IL1RAP: variants seen among roughly 807,000 people sequenced by gnomAD.
IL1RAP encodes interleukin-1 receptor accessory protein.
Under a neutral mutation model 60.7 loss-of-function variants are expected in IL1RAP, and 35 were observed. The ratio of observed to expected loss-of-function variants is 0.58; its 90% CI spans 0.44 to 0.76. The LOEUF (loss-of-function observed/expected upper bound fraction) is 0.76, where lower values mean the gene tolerates loss of function less well. Ranked by LOEUF, IL1RAP falls within the 30% of genes least tolerant of loss-of-function variation. The pLI is 0.00. For synonymous variants in IL1RAP, 268 were observed against 250.9 expected (o/e 1.07, Z -0.64); for missense variants, 572 against 693.9 (o/e 0.82, Z 1.97).
At chr3:190,643,990 TTC>T (rs747904632) in intron 9 of IL1RAP, 22 of 280,658 alleles carry the variant, frequency 7.8e-5, no homozygotes, top group Non-Finnish European at 1.2e-4. Flanking sequence ...GATGTTATGA[TTC>T]TGTTTTAATT....
intron 1 of IL1RAP, among the ~76,000 whole-genome samples, chr3:190,530,878 G>A (rs996858814): frequency 6.6e-6 from 1 of 152,114 alleles, no homozygotes; most frequent in Non-Finnish European, 1.5e-5. Flanking sequence ...AGCTCTGCAA[G>A]GTCAGTTTTA....
intron 3 of IL1RAP, among the ~76,000 whole-genome samples, chr3:190,598,287 G>A (rs1450539585): frequency 6.6e-6 from 1 of 152,042 alleles, no homozygotes. Context: ...TAATGAAATT[G>A]CAGACTCCAT....
chr3:190,601,521 G>A (rs912704654), intron 3 of IL1RAP, among the ~76,000 whole-genome samples: 13 of 152,008 alleles, frequency 8.6e-5, no homozygotes, highest in Admixed American at 2.6e-4. Context: ...AAATTTCCCC[G>A]AGCTTTATTA....
intron 1 of IL1RAP, among the ~76,000 whole-genome samples, chr3:190,536,655 A>T (rs1170397870): frequency 6.6e-6 from 1 of 152,210 alleles, no homozygotes; most frequent in Non-Finnish European, 1.5e-5. Context: ...CATAAGCTAG[A>T]CAATGTAATC....
chr3:190,528,916 C>T (rs1560141614), intron 1 of IL1RAP, among the ~76,000 whole-genome samples: 2 of 151,996 alleles, frequency 1.3e-5, no homozygotes, highest in African/African-American at 4.8e-5. Flanking sequence ...ATGGATTGTG[C>T]GATTTATCAG....
At chr3:190,612,556 C>T (rs116318829) in intron 5 of IL1RAP, among the ~76,000 whole-genome samples, 3,013 of 152,198 alleles carry the variant, frequency 0.02, 87 homozygotes, top group African/African-American at 0.069. Flanking sequence ...TTTATTTATA[C>T]CTGTTTCAAT....
intron 3 of IL1RAP, among the ~76,000 whole-genome samples, chr3:190,593,248 C>T (rs750109965): frequency 3.3e-5 from 5 of 151,938 alleles, no homozygotes; most frequent in Non-Finnish European, 7.4e-5. Flanking sequence ...AGCCATCTGC[C>T]CAGTGATGAA....
intron 11 of IL1RAP, among the ~76,000 whole-genome samples, chr3:190,647,552 A>G (rs1734100735): frequency 6.6e-6 from 1 of 152,200 alleles, no homozygotes; most frequent in Non-Finnish European, 1.5e-5. Context: ...TTCGTTGAAG[A>G]AAGCATTTGC....
rs184429624 is a variant in IL1RAP at position 190,646,207 on chromosome 3, G to A, written c.1345+365G>A. On this transcript the variant is annotated intron_variant, in intron 11 of 11. Transcript: ENST00000447382. The stretch of plus-strand genomic sequence containing the variant: ...GTCTAGAACTGTTTTACAAGACTGA[G>A]AATTTTTTTTTAAAGCAGTTTTATT... 3.4e-4 allele frequency among the ~76,000 whole-genome samples: 52 copies of A among 151,066 alleles called. No individual in the cohort carries two copies. In the East Asian group the frequency reaches 9.9e-3, roughly 29 times the overall value.
chr3:190,563,995 G>T, intron 2 of IL1RAP: 1 of 322,396 alleles, frequency 3.1e-6, no homozygotes, highest in Non-Finnish European at 5.9e-6. Flanking sequence ...AAAGGATCGT[G>T]GTGATGTTAT....
chr3:190,601,621 A>G (rs1395024804), intron 3 of IL1RAP, among the ~76,000 whole-genome samples: 4 of 152,380 alleles, frequency 2.6e-5, no homozygotes, highest in African/African-American at 9.6e-5. Context: ...TTGTTTTGCC[A>G]GTTATCCACT....
chr3:190,598,300 G>T (rs961939752), intron 3 of IL1RAP, among the ~76,000 whole-genome samples: 2 of 152,008 alleles, frequency 1.3e-5, no homozygotes, highest in South Asian at 2.1e-4. Context: ...GACTCCATTT[G>T]CTATCCAACT....
At chr3:190,553,166 C>G (rs1725017246) in intron 1 of IL1RAP, among the ~76,000 whole-genome samples, 1 of 152,156 alleles carries the variant, frequency 6.6e-6, no homozygotes, top group Admixed American at 6.5e-5. Context: ...CATGCCACGC[C>G]CCCGAGGACG....
chr3:190,658,704 T>C (rs1352609079), exon 12 of IL1RAP: 1 of 152,196 alleles, frequency 6.6e-6, no homozygotes, highest in African/African-American at 2.4e-5. Flanking sequence ...GAATGGGCAG[T>C]GGGGAAAGAA....
intron 9 of IL1RAP, among the ~76,000 whole-genome samples, chr3:190,634,950 T>C (rs1459027261): frequency 3.3e-5 from 5 of 152,058 alleles, no homozygotes; most frequent in Admixed American, 1.3e-4. Flanking sequence ...CTCCTGACCT[T>C]GTGATCCGCC....
intron 2 of IL1RAP, among the ~76,000 whole-genome samples, chr3:190,556,492 T>C (rs1725441031): frequency 6.6e-6 from 1 of 152,164 alleles, no homozygotes; most frequent in Non-Finnish European, 1.5e-5. Context: ...TTTTTACTGC[T>C]ATTTTAAAAA....
chr3:190,577,011 G>C (rs981597652), intron 3 of IL1RAP, among the ~76,000 whole-genome samples: 1 of 149,184 alleles, frequency 6.7e-6, no homozygotes, highest in Non-Finnish European at 1.5e-5. Flanking sequence ...TGAGGCAGGA[G>C]AATGGCGTGA....
At chr3:190,551,097 T>C (rs111498985) in intron 1 of IL1RAP, among the ~76,000 whole-genome samples, 3,128 of 152,260 alleles carry the variant, frequency 0.021, 113 homozygotes, top group African/African-American at 0.073. Context: ...CCTCTCCTCT[T>C]AAGGTCCCAA....
chr3:190,614,072 C>G (rs535008923), intron 5 of IL1RAP, among the ~76,000 whole-genome samples: 58 of 151,898 alleles, frequency 3.8e-4, no homozygotes, highest in African/African-American at 1.4e-3. Flanking sequence ...CATCCCCAAG[C>G]ATCTACCCGG....
Sources: allele counts gnomAD v4.1 joint callset (sites outside exome capture counted in the v4.1 genomes callset), GRCh38; gene constraint gnomAD v4.1.1; transcripts MANE v1.5; gene names NCBI Gene and HGNC (gene_info 2026-07-23, HGNC 2026-07-21).